The following ADGRB3 variants were observed in gnomAD, a reference collection of about 807,000 sequenced individuals.
ADGRB3 encodes adhesion G protein-coupled receptor B3, also known as brain-specific angiogenesis inhibitor 3.
ADGRB3 carries 37 observed loss-of-function variants against 193.4 expected under a neutral mutation model. The observed-to-expected ratio is 0.19, with a 90% confidence interval of 0.15 to 0.25. The LOEUF is 0.25. Among genes scored for constraint, ADGRB3 ranks in the 10% least tolerant of loss-of-function variants. ADGRB3 has a pLI of 1.00. For missense variants in ADGRB3, 1,637 were observed against 1,852.9 expected, an observed-to-expected ratio of 0.88 and a Z score of 2.14; for synonymous variants, 690 against 644.2, an observed-to-expected ratio of 1.07 and a Z score of -1.08.
intron 3 of ADGRB3, among the ~76,000 whole-genome samples, chr6:68,688,813 G>A (rs1412392442): frequency 6.6e-6 from 1 of 152,078 alleles, no homozygotes; most frequent in South Asian, 2.1e-4. Context: ...AATTTAGAAC[G>A]CACCTTTAAC....
At chr6:69,130,776 C>G (rs577523067) in intron 17 of ADGRB3, among the ~76,000 whole-genome samples, 2 of 151,732 alleles carry the variant, frequency 1.3e-5, no homozygotes, top group Non-Finnish European at 2.9e-5. Flanking sequence ...CAGCTTTTTT[C>G]TTGAATGACA....
At chr6:68,890,019 T>G (rs1766028870) in intron 3 of ADGRB3, among the ~76,000 whole-genome samples, 1 of 152,216 alleles carries the variant, frequency 6.6e-6, no homozygotes, top group African/African-American at 2.4e-5. Flanking sequence ...TCAAAATATT[T>G]CAAATGATTT....
In ADGRB3 at chr6:68,987,236, C is replaced by CA. The variant is rs1224320225; in HGVS notation, c.1735-6528dup. 4.6e-4 allele frequency among the ~76,000 whole-genome samples: 70 copies of CA among 152,024 alleles called. 2 individuals carry two copies. The highest frequency in any genetic ancestry group is 4.6e-3 in the Admixed American group (70 of 15,248). On this transcript the variant is annotated intron_variant, in intron 10 of 31. Transcript: ENST00000370598. ...ATTTCCATGATTAAATTACAATAAT[C>CA]AAAACATGCTACCCAAAGGAAATGG...
At chr6:68,685,743 A>AG (rs1424760943) in intron 3 of ADGRB3, among the ~76,000 whole-genome samples, 2 of 151,864 alleles carry the variant, frequency 1.3e-5, no homozygotes, top group African/African-American at 4.8e-5. Flanking sequence ...AAAAAAAAAA[A>AG]TTAGCCGGGC....
chr6:68,735,610 G>T lies in ADGRB3; in HGVS notation c.757+96178G>T, dbSNP rs115409755. 2.9e-3 allele frequency among the ~76,000 whole-genome samples: 445 copies of T among 152,098 alleles called. 3 individuals are homozygous for T. The highest frequency in any genetic ancestry group is 0.01 in the African/African-American group (429 of 41,522). On this transcript the variant is annotated intron_variant, in intron 3 of 31. Transcript: ENST00000370598. ...TGATTAAAATTTTTGGAACTTTTTA[G>T]CATTCTAAGTTTTGAGGTTATAATG...
At position 69,369,310 on chromosome 6, in the gene ADGRB3, G is replaced by A. The variant is rs1175241552; in HGVS notation, c.4240-3096G>A. On this transcript the variant is annotated intron_variant, in intron 29 of 31. Transcript: ENST00000370598. Reference sequence around the variant, plus strand: ...TGAAAGACTTTCCAATACACTGTATGTATACCAACGGTGGAAACAGACCAA... The same window carrying A: ...TGAAAGACTTTCCAATACACTGTATATATACCAACGGTGGAAACAGACCAA... Among the ~76,000 whole-genome samples, 4 of 152,234 alleles carry A rather than the reference G, an allele frequency of 2.6e-5. No homozygotes were observed. In the East Asian group the frequency reaches 5.8e-4, roughly 22 times the overall value.
intron 3 of ADGRB3, among the ~76,000 whole-genome samples, chr6:68,913,698 A>G (rs1766789656): frequency 6.6e-6 from 1 of 152,240 alleles, no homozygotes; most frequent in Non-Finnish European, 1.5e-5. Context: ...ACGGAAAATG[A>G]CTTTGACGAG....
intron 3 of ADGRB3, among the ~76,000 whole-genome samples, chr6:68,751,002 G>A (rs7745837): frequency 0.37 from 55,764 of 151,858 alleles, 10,905 homozygotes; most frequent in East Asian, 0.64. Context: ...TCTGGGCTTC[G>A]TCTTCTATCC....
intron 17 of ADGRB3, among the ~76,000 whole-genome samples, chr6:69,227,862 T>A (rs546467627): frequency 2.7e-4 from 41 of 152,214 alleles, no homozygotes; most frequent in Non-Finnish European, 5.4e-4. Flanking sequence ...CTCTTCAGAT[T>A]ACATGTCTGC....
At chr6:69,213,631 G>T (rs142260008) in intron 17 of ADGRB3, among the ~76,000 whole-genome samples, 1 of 152,018 alleles carries the variant, frequency 6.6e-6, no homozygotes, top group Non-Finnish European at 1.5e-5. Flanking sequence ...TACAACATGC[G>T]TTTTACTTGA....
At chr6:69,052,407 C>T (rs1256776094) in intron 15 of ADGRB3, among the ~76,000 whole-genome samples, 2 of 152,100 alleles carry the variant, frequency 1.3e-5, no homozygotes, top group Non-Finnish European at 2.9e-5. Context: ...CAGTTATTTA[C>T]AAAGTTTTAT....
rs58901577 is a variant in ADGRB3, at chr6:69,030,956, T to TTTTCTTTTCTTTTCTTTTCTTTTCTTTTC, written c.2107+12460_2107+12461insCTTTTCTTTTCTTTTCTTTTCTTTTCTTT. Among the ~76,000 whole-genome samples the TTTTCTTTTCTTTTCTTTTCTTTTCTTTTC allele has an allele frequency of 9.2e-3, 663 of 72,414 alleles. 153 individuals carry two copies. The highest frequency in any genetic ancestry group is 0.035 in the African/African-American group (612 of 17,242). The allele number at this position is 72,414 out of a possible 152,430, so 47.5% of individuals were successfully genotyped here. A position where few individuals can be genotyped will look rare whatever the true frequency, so the allele number is the denominator to read the frequency against. On this transcript the variant is annotated intron_variant, in intron 13 of 31. Coordinates refer to ENST00000370598, the MANE Select transcript of ADGRB3 (RefSeq NM_001704.3). ...GGTTTTAATTTTCTTTTCTTTTCTT[T>TTTTCTTTTCTTTTCTTTTCTTTTCTTTTC]TTTTCTTTTCTTTTCTTTTCTTTTC...
chr6:69,326,517 T>G (rs1196440689), intron 21 of ADGRB3, among the ~76,000 whole-genome samples: 1 of 152,122 alleles, frequency 6.6e-6, no homozygotes, highest in Admixed American at 6.6e-5. Flanking sequence ...AGTCTCCGTA[T>G]TTACAGCTAA....
chr6:68,811,770 G>T (rs1347794129), intron 3 of ADGRB3, among the ~76,000 whole-genome samples: 1 of 152,048 alleles, frequency 6.6e-6, no homozygotes, highest in Admixed American at 6.6e-5. Flanking sequence ...GTGACCAGCC[G>T]AGGTGGATGA....
chr6:69,192,887 T>A (rs1765222810), intron 17 of ADGRB3, among the ~76,000 whole-genome samples: 1 of 152,176 alleles, frequency 6.6e-6, no homozygotes, highest in Non-Finnish European at 1.5e-5. Flanking sequence ...TTATCACTAT[T>A]TTTCACTGCT....
At chr6:69,294,602 C>T (rs1202794895) in intron 20 of ADGRB3, among the ~76,000 whole-genome samples, 1 of 152,152 alleles carries the variant, frequency 6.6e-6, no homozygotes, top group East Asian at 1.9e-4. Flanking sequence ...TCTACTAGGA[C>T]AGTGCACTGT....
intron 29 of ADGRB3, among the ~76,000 whole-genome samples, chr6:69,364,331 A>C (rs1769522201): frequency 6.6e-6 from 1 of 152,002 alleles, no homozygotes; most frequent in Non-Finnish European, 1.5e-5. Context: ...AAAGCCAAAA[A>C]GAGTGCAGAG....
intron 17 of ADGRB3, among the ~76,000 whole-genome samples, chr6:69,209,174 T>G (rs1056712276): frequency 3.3e-5 from 5 of 152,206 alleles, no homozygotes; most frequent in Non-Finnish European, 7.3e-5. Context: ...CTGGACCTGT[T>G]GCAGAACCTT....
intron 3 of ADGRB3, among the ~76,000 whole-genome samples, chr6:68,844,296 T>G (rs1768229542): frequency 6.6e-6 from 1 of 151,528 alleles, no homozygotes; most frequent in Non-Finnish European, 1.5e-5. Flanking sequence ...GATTAATAAC[T>G]AGAAAAAAGA....
Sources: gnomAD v4.1 joint callset for allele counts (sites outside exome capture counted in the v4.1 genomes callset) on GRCh38, gnomAD v4.1.1 for gene constraint, MANE v1.5 for transcripts, NCBI Gene and HGNC (gene_info 2026-07-23, HGNC 2026-07-21) for gene names.